Variants in NRXN1 observed in about 807,000 individuals in gnomAD.
NRXN1 encodes neurexin 1.
In NRXN1, 39 loss-of-function variants were observed where a neutral mutation model predicts 150.9. That is an observed-to-expected ratio of 0.26 (90% CI 0.20 to 0.34). The LOEUF is 0.34. Among genes scored for constraint, NRXN1 ranks in the 10% least tolerant of loss-of-function variants. The pLI is 1.00. For missense variants in NRXN1, 1,815 were observed against 1,949.9 expected (o/e 0.93, Z 1.30); for synonymous variants, 924 against 757.0 (o/e 1.22, Z -3.62).
At chr2:50,252,777 ATG>A (rs2067285210) in intron 17 of NRXN1, among the ~76,000 whole-genome samples, 1 of 151,816 alleles carries the variant, frequency 6.6e-6, no homozygotes, top group South Asian at 2.1e-4. Context: ...CCATTAGTCT[ATG>A]TGTCTGTGTG....
intron 21 of NRXN1, among the ~76,000 whole-genome samples, chr2:49,981,835 A>T (rs1252310056): frequency 6.6e-6 from 1 of 152,128 alleles, no homozygotes; most frequent in African/African-American, 2.4e-5. Flanking sequence ...CCTCAGATGC[A>T]CTTATTTCAT....
At chr2:50,789,563 G>A (rs1705642379) in intron 5 of NRXN1, among the ~76,000 whole-genome samples, 1 of 152,146 alleles carries the variant, frequency 6.6e-6, no homozygotes, top group African/African-American at 2.4e-5. Context: ...TGAGACAGTG[G>A]GGCAGCAATG....
At chr2:50,712,564 T>A (rs1289548531) in intron 5 of NRXN1, among the ~76,000 whole-genome samples, 1 of 152,150 alleles carries the variant, frequency 6.6e-6, no homozygotes, top group Non-Finnish European at 1.5e-5. Context: ...TTAGATACGT[T>A]ATCTCATTTT....
At chr2:51,031,477 C>T (rs1427440829) in intron 1 of NRXN1, among the ~76,000 whole-genome samples, 3 of 152,070 alleles carry the variant, frequency 2.0e-5, no homozygotes, top group Non-Finnish European at 4.4e-5. Context: ...CATGAAATCT[C>T]TGAGAGAAAT....
At chr2:50,470,778 T>C (rs1264978199) in intron 16 of NRXN1, among the ~76,000 whole-genome samples, 2 of 151,784 alleles carry the variant, frequency 1.3e-5, no homozygotes, top group African/African-American at 4.8e-5. Flanking sequence ...ATTACATTTA[T>C]GGAGGAAGAA....
intron 17 of NRXN1, among the ~76,000 whole-genome samples, chr2:50,278,296 A>AATAT: frequency 1.4e-5 from 1 of 72,170 alleles, no homozygotes; most frequent in East Asian, 2.8e-4. Context: ...ATACATATAT[A>AATAT]ATATATATTT....
chr2:50,159,219 T>A (rs1558997620), intron 18 of NRXN1, among the ~76,000 whole-genome samples: 2 of 152,232 alleles, frequency 1.3e-5, no homozygotes, highest in East Asian at 1.9e-4. Flanking sequence ...AATTTTACAA[T>A]CATATAACCA....
chr2:50,232,609 T>C (rs2065052754), intron 18 of NRXN1, among the ~76,000 whole-genome samples: 1 of 151,862 alleles, frequency 6.6e-6, no homozygotes, highest in South Asian at 2.1e-4. Context: ...ATAGTCTCCA[T>C]CTCTTGACCT....
intron 18 of NRXN1, among the ~76,000 whole-genome samples, chr2:50,095,366 A>G (rs1275329470): frequency 6.6e-6 from 1 of 152,166 alleles, no homozygotes; most frequent in Non-Finnish European, 1.5e-5. Context: ...ACAGGAAGAT[A>G]TCTGTTACTC....
intron 17 of NRXN1, among the ~76,000 whole-genome samples, chr2:50,380,873 C>A (rs894609670): frequency 6.6e-6 from 1 of 152,222 alleles, no homozygotes; most frequent in Non-Finnish European, 1.5e-5. Context: ...ATAAATATTT[C>A]TTGTAAGCCT....
intron 17 of NRXN1, among the ~76,000 whole-genome samples, chr2:50,420,962 C>CTGTG (rs4032055): frequency 0.029 from 3,442 of 119,976 alleles, 74 homozygotes; most frequent in Non-Finnish European, 0.038. Context: ...CAAAATAGAC[C>CTGTG]TGTGTGTGTG....
At chr2:50,079,488 C>G (rs1013864730) in intron 19 of NRXN1, among the ~76,000 whole-genome samples, 1 of 151,990 alleles carries the variant, frequency 6.6e-6, no homozygotes, top group Admixed American at 6.5e-5. Flanking sequence ...ATTTCTTGAT[C>G]TTTGCTCTAG....
chr2:50,174,190 TA>T (rs1292843272), intron 18 of NRXN1, among the ~76,000 whole-genome samples: 1 of 152,028 alleles, frequency 6.6e-6, no homozygotes, highest in African/African-American at 2.4e-5. Flanking sequence ...AAGAATTTTT[TA>T]AAAAATACAA....
intron 5 of NRXN1, among the ~76,000 whole-genome samples, chr2:50,880,971 C>T (rs1679342220): frequency 6.6e-6 from 1 of 151,896 alleles, no homozygotes; most frequent in African/African-American, 2.4e-5. Flanking sequence ...TCAACGGTGT[C>T]AGGACACAGA....
At chr2:50,278,222 C>G (rs1211551964) in intron 17 of NRXN1, among the ~76,000 whole-genome samples, 3 of 69,196 alleles carry the variant, frequency 4.3e-5, no homozygotes, top group African/African-American at 9.9e-5. Context: ...ACCACCACAC[C>G]TGGCTTTTAT....
intron 18 of NRXN1, among the ~76,000 whole-genome samples, chr2:50,222,135 T>C (rs938860636): frequency 1.3e-5 from 2 of 151,986 alleles, no homozygotes; most frequent in African/African-American, 2.4e-5. Context: ...ATTAACCTCT[T>C]GCCTGCCTGG....
intron 2 of NRXN1, among the ~76,000 whole-genome samples, chr2:50,928,247 G>A (rs1417575590): frequency 6.6e-6 from 1 of 151,780 alleles, no homozygotes; most frequent in East Asian, 1.9e-4. Flanking sequence ...GAATAAATGG[G>A]TGATATATTA....
chr2:51,007,282 A>C (rs1667169266), intron 2 of NRXN1, among the ~76,000 whole-genome samples: 1 of 151,970 alleles, frequency 6.6e-6, no homozygotes, highest in Admixed American at 6.6e-5. Flanking sequence ...ATTCAAAAAA[A>C]ATTATTGTCC....
intron 5 of NRXN1, among the ~76,000 whole-genome samples, chr2:50,887,575 G>A (rs1680443499): frequency 1.3e-5 from 2 of 151,444 alleles, no homozygotes; most frequent in African/African-American, 2.4e-5. Flanking sequence ...ACATCTGTGA[G>A]TTTATCTAGT....
Sources: gnomAD v4.1 joint callset for allele counts (sites outside exome capture counted in the v4.1 genomes callset) on GRCh38, gnomAD v4.1.1 for gene constraint, MANE v1.5 for transcripts, NCBI Gene and HGNC (gene_info 2026-07-23, HGNC 2026-07-21) for gene names.